PCDHA1: variants seen among roughly 807,000 people sequenced by gnomAD.
PCDHA1 encodes protocadherin alpha 1.
A neutral mutation model predicts 61.3 loss-of-function variants in PCDHA1; 42 were observed. The observed-to-expected ratio is 0.69, with a 90% confidence interval of 0.54 to 0.89. PCDHA1 has a LOEUF of 0.89. Ranked by LOEUF, PCDHA1 falls within the 40% of genes least tolerant of loss-of-function variation. PCDHA1 has a pLI of 0.00. For synonymous variants in PCDHA1, 610 were observed against 553.8 expected (o/e 1.10, Z -1.43); for missense variants, 1,256 against 1,235.3 (o/e 1.02, Z -0.25).
chr5:140,862,711 G>T, intron 1 of PCDHA1: 2 of 561,474 alleles, frequency 3.6e-6, no homozygotes, highest in Admixed American at 3.8e-5. Flanking sequence ...ACAGCGGGTG[G>T]GCGAGTGCGC....
At chr5:140,972,624 G>A (rs2096543924) in intron 1 of PCDHA1, among the ~76,000 whole-genome samples, 1 of 150,616 alleles carries the variant, frequency 6.6e-6, no homozygotes, top group Non-Finnish European at 1.5e-5. Flanking sequence ...GAATGTTGTT[G>A]GCACTCCCTT....
chr5:140,946,875 G>T (rs1283632599), intron 1 of PCDHA1, among the ~76,000 whole-genome samples: 1 of 151,288 alleles, frequency 6.6e-6, no homozygotes, highest in Non-Finnish European at 1.5e-5. Flanking sequence ...TGGTCAATGG[G>T]TACGAAGTTA....
chr5:140,946,163 T>C (rs1345991689), intron 1 of PCDHA1, among the ~76,000 whole-genome samples: 1 of 151,884 alleles, frequency 6.6e-6, no homozygotes, highest in African/African-American at 2.4e-5. Flanking sequence ...ATTTAAAAGA[T>C]GGGTAAAGGA....
chr5:140,951,318 G>C (rs2094570791), intron 1 of PCDHA1, among the ~76,000 whole-genome samples: 1 of 152,038 alleles, frequency 6.6e-6, no homozygotes, highest in Non-Finnish European at 1.5e-5. Context: ...TGTTATTCTT[G>C]AGATTCATCA....
At chr5:140,977,356 TA>T (rs2096758024) in intron 1 of PCDHA1, among the ~76,000 whole-genome samples, 1 of 152,250 alleles carries the variant, frequency 6.6e-6, no homozygotes, top group South Asian at 2.1e-4. Flanking sequence ...GACTGATTGA[TA>T]AAAAGTATTT....
chr5:140,858,335 C>T, intron 1 of PCDHA1: 1 of 1,595,924 alleles, frequency 6.3e-7, no homozygotes, highest in Non-Finnish European at 8.6e-7. Flanking sequence ...GGAGGGCCTG[C>T]CCAAGGCGGA....
chr5:140,969,672 A>C (rs1251717537), intron 1 of PCDHA1, among the ~76,000 whole-genome samples: 2 of 152,198 alleles, frequency 1.3e-5, no homozygotes, highest in African/African-American at 4.8e-5. Context: ...TAATGTTATG[A>C]GACTCAAGGA....
chr5:140,828,505 A>T (rs2150156185), intron 1 of PCDHA1: 1 of 1,614,210 alleles, frequency 6.2e-7, no homozygotes, highest in South Asian at 1.1e-5. Flanking sequence ...TAGAGGAACA[A>T]AGAGTGCTGA....
In PCDHA1 at chr5:140,787,498, A is replaced by AT; in HGVS notation, c.1210dup (p.Tyr404LeufsTer19). ...TTCAAGCTGGTGTCCACCTTCAAGA[A>AT]TTACTACTCGTTGGTGTTGGACAGC... is the stretch of plus-strand genomic sequence containing the variant. On this transcript the variant is annotated frameshift_variant, in exon 1 of 4. Transcript: ENST00000504120. LOFTEE classifies it high-confidence loss of function. 8.7e-6 allele frequency: 14 copies of AT among 1,614,148 alleles called. No homozygotes were observed. The highest frequency in any genetic ancestry group is 1.2e-5 in the Non-Finnish European group (14 of 1,180,022).
intron 1 of PCDHA1, chr5:140,851,030 T>G (rs1462203945): frequency 1.4e-6 from 2 of 1,410,502 alleles, no homozygotes; most frequent in Non-Finnish European, 1.9e-6. Context: ...AGTAAACCCC[T>G]TAACATTGGA....
At chr5:140,875,377 A>G in intron 1 of PCDHA1, 1 of 1,457,802 alleles carries the variant, frequency 6.9e-7, no homozygotes, top group Non-Finnish European at 9.0e-7. Context: ...TTTACTAAAT[A>G]TGTACTTACA....
chr5:140,823,178 C>G, intron 1 of PCDHA1: 2 of 1,613,864 alleles, frequency 1.2e-6, no homozygotes, highest in South Asian at 2.2e-5. Flanking sequence ...GAGAACAACC[C>G]GCCAGGCTGC....
chr5:140,883,091 G>A lies in PCDHA1; in HGVS notation c.2394+94407G>A, dbSNP rs782433695. The A allele has an allele frequency of 1.9e-6, 3 of 1,613,994 alleles. No individual in the cohort carries two copies. In the African/African-American group the frequency reaches 4.0e-5, roughly 22 times the overall value. ...CACAGATCCTGATGATGGTACAAAT[G>A]GAGATATAGTTTACTCATTTAGAAG... On this transcript the variant is annotated intron_variant, in intron 1 of 3. Coordinates refer to ENST00000504120, the MANE Select transcript of PCDHA1 (RefSeq NM_018900.4).
intron 1 of PCDHA1, chr5:140,870,270 G>C (rs139719896): frequency 0.022 from 34,719 of 1,614,158 alleles, 446 homozygotes; most frequent in African/African-American, 0.029. Flanking sequence ...GCTCGCTGAC[G>C]CCCCACGTTC....
At chr5:140,789,174 G>A (rs534558002) in intron 1 of PCDHA1, among the ~76,000 whole-genome samples, 1 of 152,312 alleles carries the variant, frequency 6.6e-6, no homozygotes, top group Non-Finnish European at 1.5e-5. Flanking sequence ...TATTGGCTGG[G>A]GGCGGTGGCT....
At chr5:140,823,528 G>T in intron 1 of PCDHA1, 1 of 1,613,758 alleles carries the variant, frequency 6.2e-7, no homozygotes. Context: ...GAGGTCAGTG[G>T]GTGCGGGCCA....
chr5:140,787,654 TC>T lies in PCDHA1; in HGVS notation c.1365del (p.Phe455LeufsTer10). The T allele has an allele frequency of 6.2e-7, 1 of 1,613,942 alleles. No individual in the cohort carries two copies. The highest frequency in any genetic ancestry group is 8.5e-7 in the Non-Finnish European group (1 of 1,179,946). On this transcript the variant is annotated frameshift_variant, in exon 1 of 4. Coordinates refer to ENST00000504120, the MANE Select transcript of PCDHA1 (RefSeq NM_018900.4). LOFTEE classifies it high-confidence loss of function. The part of the protein sequence containing the change: ...VADVNDNAPA[F>X]AQPEYTVFVK... ...GACGTGAATGACAACGCGCCTGCGT[TC>T]GCGCAGCCCGAGTACACAGTATTCG...
intron 1 of PCDHA1, chr5:140,836,293 T>C (rs2150257030): frequency 1.2e-6 from 2 of 1,613,634 alleles, no homozygotes; most frequent in African/African-American, 2.7e-5. Flanking sequence ...ACACGAGCCC[T>C]AGATGAGACG....
intron 2 of PCDHA1, among the ~76,000 whole-genome samples, chr5:140,979,595 A>G (rs1261298748): frequency 1.3e-5 from 2 of 152,212 alleles, no homozygotes; most frequent in African/African-American, 4.8e-5. Context: ...GCTTACTTTA[A>G]ATTAACCTAG....
Sources: allele counts gnomAD v4.1 joint callset (sites outside exome capture counted in the v4.1 genomes callset), GRCh38; gene constraint gnomAD v4.1.1; transcripts MANE v1.5; gene names NCBI Gene and HGNC (gene_info 2026-07-23, HGNC 2026-07-21).